BBS12: variants seen among roughly 807,000 people sequenced by gnomAD.
The protein encoded by BBS12 is Bardet-Biedl syndrome 12, also known as chaperonin-containing T-complex member BBS12.
BBS12 carries 5 observed loss-of-function variants against 5.6 expected under a neutral mutation model. The observed-to-expected ratio is 0.89, with a 90% CI of 0.46 to 1.86. The LOEUF (loss-of-function observed/expected upper bound fraction) is 1.86, where lower values mean the gene tolerates loss of function less well. BBS12 is among the 40% of genes most tolerant of loss of function. BBS12 has a pLI of 0.01. For missense variants in BBS12, 748 were observed against 830.4 expected, an observed-to-expected ratio of 0.90 and a Z score of 1.22; for synonymous variants, 308 against 306.8, an observed-to-expected ratio of 1.00 and a Z score of -0.04.
chr4:122,732,024 G>A (rs1233799664), upstream of BBS12: 1 of 152,220 alleles, frequency 6.6e-6, no homozygotes, highest in African/African-American at 2.4e-5. Context: ...TTTTTAAAAT[G>A]ATTTAGAATT....
Position 122,743,772 on chromosome 4 carries a change from C to T in BBS12, c.1880C>T (p.Thr627Ile), listed in dbSNP as rs1203588853. ...ATTCAACATCATCTGCAAAATGCCA[C>T]AGACTCTGGCTCTCCTTCATCTTAC... ...TYIQHHLQNA[T>I]DSGSPSSYIL... Residue 627 changes from threonine (T) to isoleucine (I), a missense_variant, in exon 2 of 2, where the codon ACA becomes ATA. Coordinates refer to ENST00000314218, the MANE Select transcript of BBS12 (RefSeq NM_152618.3). The T allele has an allele frequency of 1.9e-6, 3 of 1,614,064 alleles. No homozygotes were observed. The highest frequency in any genetic ancestry group is 2.5e-6 in the Non-Finnish European group (3 of 1,180,008).
the BBS12 span, among the ~76,000 whole-genome samples, chr4:122,718,139 A>G: frequency 2.6e-5 from 4 of 152,342 alleles, no homozygotes; most frequent in Admixed American, 2.0e-4. Context: ...AAAACATAGT[A>G]AGCACTCAAT....
chr4:122,713,361 T>A, the BBS12 span, among the ~76,000 whole-genome samples: 1 of 152,056 alleles, frequency 6.6e-6, no homozygotes, highest in Admixed American at 6.5e-5. Context: ...TGGTGGCACA[T>A]GCTGTAGTCC....
chr4:122,719,164 G>T, the BBS12 span, among the ~76,000 whole-genome samples: 2 of 152,072 alleles, frequency 1.3e-5, no homozygotes, highest in Non-Finnish European at 2.9e-5. Context: ...AAGCCGGCTG[G>T]GCTTCTGGGT....
the BBS12 span, among the ~76,000 whole-genome samples, chr4:122,707,007 T>C: frequency 6.6e-6 from 1 of 150,402 alleles, no homozygotes; most frequent in Non-Finnish European, 1.5e-5. Flanking sequence ...ACTTTTTTCC[T>C]CAGTTAAAAC....
chr4:122,714,831 CATAAA>C, the BBS12 span, among the ~76,000 whole-genome samples: 1 of 151,854 alleles, frequency 6.6e-6, no homozygotes, highest in African/African-American at 2.4e-5. Context: ...AAATTTAAAA[CATAAA>C]ACAATAGTTT....
At chr4:122,703,326 G>A in the BBS12 span, among the ~76,000 whole-genome samples, 59 of 152,156 alleles carry the variant, frequency 3.9e-4, 1 homozygote, top group Middle Eastern at 0.01. Context: ...TCTCTGCCTC[G>A]TAATCCTGAT....
chr4:122,724,218 CTTG>C, the BBS12 span, among the ~76,000 whole-genome samples: 1 of 152,178 alleles, frequency 6.6e-6, no homozygotes, highest in African/African-American at 2.4e-5. Flanking sequence ...GGGTCTCTCA[CTTG>C]TTGTAATCAA....
chr4:122,725,154 G>T, the BBS12 span, among the ~76,000 whole-genome samples: 3 of 151,884 alleles, frequency 2.0e-5, no homozygotes, highest in African/African-American at 7.3e-5. Flanking sequence ...TAGAGGCTTG[G>T]GTAGAATCAA....
chr4:122,742,261 T>C lies in BBS12; in HGVS notation c.369T>C (p.Cys123=), dbSNP rs763730747. The C allele has an allele frequency of 7.4e-6, 12 of 1,613,794 alleles. No individual in the cohort carries two copies. The African/African-American group carries it at 8.0e-5, about 11-fold the overall frequency. The change falls in exon 2 of 2, where the codon TGT becomes TGC. Residue 123 remains cysteine (C), a synonymous_variant. Coordinates refer to ENST00000314218, the MANE Select transcript of BBS12 (RefSeq NM_152618.3). ...TAATGTCAGAAGGCTTAAACTTTTG[T>C]AGTGAAGAGGTAGTTTCTCTTCATG... The part of the protein sequence containing the change: ...VSVMSEGLNF[C]SEEVVSLHVP...
chr4:122,703,824 AATTT>A, the BBS12 span, among the ~76,000 whole-genome samples: 1 of 152,134 alleles, frequency 6.6e-6, no homozygotes, highest in African/African-American at 2.4e-5. Flanking sequence ...TTAATTAATT[AATTT>A]ATTTATGCAT....
the BBS12 span, among the ~76,000 whole-genome samples, chr4:122,718,913 G>A: frequency 0.026 from 3,990 of 150,664 alleles, 182 homozygotes; most frequent in African/African-American, 0.088. Context: ...CTGCCTTCCC[G>A]GGTTCACGCC....
chr4:122,724,222 TTGTAATCAAAG>T, the BBS12 span, among the ~76,000 whole-genome samples: 4 of 152,216 alleles, frequency 2.6e-5, no homozygotes, highest in Non-Finnish European at 5.9e-5. Flanking sequence ...CTCTCACTTG[TTGTAATCAAAG>T]TGTCAACTAG....
chr4:122,716,554 C>A, the BBS12 span, among the ~76,000 whole-genome samples: 681 of 148,486 alleles, frequency 4.6e-3, 8 homozygotes, highest in African/African-American at 0.016. Flanking sequence ...TGTATATATA[C>A]ACATATGTAT....
At chr4:122,704,574 C>T in the BBS12 span, among the ~76,000 whole-genome samples, 1 of 152,134 alleles carries the variant, frequency 6.6e-6, no homozygotes. Flanking sequence ...AAATATAAGA[C>T]GGTACTTTAG....
chr4:122,729,434 T>C (rs1481731504), upstream of BBS12: 1 of 152,164 alleles, frequency 6.6e-6, no homozygotes, highest in Non-Finnish European at 1.5e-5. Context: ...AGTCACAGAA[T>C]TGAAAATGAG....
the BBS12 span, among the ~76,000 whole-genome samples, chr4:122,716,669 A>ACG: frequency 3.6e-3 from 280 of 78,340 alleles, 3 homozygotes; most frequent in African/African-American, 0.013. Flanking sequence ...ACATACACAT[A>ACG]TGTGTATATA....
chr4:122,700,936 T>A, the BBS12 span, among the ~76,000 whole-genome samples: 1 of 152,230 alleles, frequency 6.6e-6, no homozygotes, highest in Non-Finnish European at 1.5e-5. Flanking sequence ...CTTGATCTAC[T>A]AAGCTTTTAG....
chr4:122,722,024 T>C, the BBS12 span, among the ~76,000 whole-genome samples: 1 of 152,188 alleles, frequency 6.6e-6, no homozygotes, highest in Non-Finnish European at 1.5e-5. Context: ...ATAAAAATGA[T>C]ATTTTCCTAC....
Sources: allele counts gnomAD v4.1 joint callset (sites outside exome capture counted in the v4.1 genomes callset), GRCh38; gene constraint gnomAD v4.1.1; transcripts MANE v1.5; gene names NCBI Gene and HGNC (gene_info 2026-07-23, HGNC 2026-07-21).